The following GON4L variants were observed in gnomAD, a reference collection of about 807,000 sequenced individuals.
GON4L encodes the protein GON-4-like protein.
In GON4L, 87 loss-of-function variants were observed where a neutral mutation model predicts 211.8. The observed-to-expected ratio is 0.41, with a 90% CI of 0.35 to 0.49. The LOEUF (loss-of-function observed/expected upper bound fraction) is 0.49, where lower values mean the gene tolerates loss of function less well. Among genes scored for constraint, GON4L ranks in the 20% least tolerant of loss-of-function variants. The probability of loss-of-function intolerance (pLI) is 0.15; values close to 1 mark genes in which losing one functional copy is unlikely to be tolerated. For synonymous variants in GON4L, 875 were observed against 962.6 expected (o/e 0.91, Z 1.68); for missense variants, 2,155 against 2,659.5 (o/e 0.81, Z 4.17).
chr1:155,807,880 T>C (rs967798488), intron 10 of GON4L, among the ~76,000 whole-genome samples: 11 of 151,962 alleles, frequency 7.2e-5, no homozygotes, highest in Non-Finnish European at 1.0e-4. Flanking sequence ...ATTGAATCTG[T>C]AGATCAATTT....
At chr1:155,841,017 A>G (rs1017373435) in intron 2 of GON4L, among the ~76,000 whole-genome samples, 1 of 152,222 alleles carries the variant, frequency 6.6e-6, no homozygotes, top group African/African-American at 2.4e-5. Context: ...CCTGGGCAAC[A>G]AGAGTGAAAC....
intron 17 of GON4L, chr1:155,773,538 C>T (rs574290880): frequency 1.4e-5 from 4 of 279,072 alleles, no homozygotes; most frequent in African/African-American, 8.8e-5. Context: ...CCTCCTTCCC[C>T]CCTTAAATAC....
In GON4L at chr1:155,757,879, A is replaced by C; in HGVS notation, c.5253+12T>G. ...GAAGACAACAGGAAGAAAGCAGGAC[A>C]GGAAAGAATACCTCGGTGATCTCCT... On this transcript the variant is annotated intron_variant, in intron 25 of 31. Transcript: ENST00000368331. 1 of 284,092 alleles carries C rather than the reference A, an allele frequency of 3.5e-6. No individual in the cohort carries two copies. The highest frequency in any genetic ancestry group is 5.9e-6 in the Non-Finnish European group (1 of 168,168). The allele number at this position is 284,092 out of a possible 1,614,324, so 17.6% of individuals were successfully genotyped here. A position where few individuals can be genotyped will look rare whatever the true frequency, so the allele number is the denominator to read the frequency against.
intron 12 of GON4L, among the ~76,000 whole-genome samples, chr1:155,786,807 T>A (rs1664987974): frequency 6.6e-6 from 1 of 152,182 alleles, no homozygotes; most frequent in Non-Finnish European, 1.5e-5. Context: ...AGCATGTTGC[T>A]ATGTTGCCCA....
At chr1:155,820,231 A>G (rs1668614674) in intron 6 of GON4L, among the ~76,000 whole-genome samples, 1 of 152,192 alleles carries the variant, frequency 6.6e-6, no homozygotes, top group African/African-American at 2.4e-5. Context: ...TGCATTTTTA[A>G]TAAGCATGCC....
At chr1:155,809,993 TA>T (rs1442697922) in intron 10 of GON4L, among the ~76,000 whole-genome samples, 5 of 2,872 alleles carry the variant, frequency 1.7e-3, no homozygotes, top group African/African-American at 2.0e-3. Context: ...TATATATAAT[TA>T]TATATATATA....
chr1:155,815,944 AAATC>A, intron 7 of GON4L, 44 bp from the exon 8 acceptor site: 1 of 1,155,866 alleles, frequency 8.7e-7, no homozygotes, highest in South Asian at 1.2e-5. Context: ...TGGGAAACAC[AAATC>A]ATACGTATTT....
intron 2 of GON4L, among the ~76,000 whole-genome samples, chr1:155,829,590 T>C (rs1222353657): frequency 2.0e-5 from 3 of 152,160 alleles, no homozygotes; most frequent in African/African-American, 7.2e-5. Flanking sequence ...CATTCCAGCC[T>C]GGGCGACAGA....
Position 155,766,310 on chromosome 1 carries a change from C to T in GON4L, c.3163G>A (p.Val1055Ile). 6.2e-7 allele frequency: 1 copy of T among 1,614,118 alleles called. No homozygotes were observed. Among genetic ancestry groups the T allele is most frequent in the Non-Finnish European group, 8.5e-7 (1 of 1,180,014 alleles). ...PATVLQTVPG[V>I]PPLGVSGGES... Reference sequence around the variant, plus strand: ...CCTCCACTGACCCCCAGTGGAGGGACACCTGGAACTGTCTGTAAAACAGTG... The same window carrying T: ...CCTCCACTGACCCCCAGTGGAGGGATACCTGGAACTGTCTGTAAAACAGTG... The change falls in exon 21 of 32, where the codon GTC becomes ATC. Residue 1055 changes from valine to isoleucine, a missense_variant. This residue lies in a region of GON4L where 615 missense variants were observed against 625.7 expected (regional missense o/e 0.98). Coordinates refer to ENST00000368331, the MANE Select transcript of GON4L (RefSeq NM_001282860.2).
chr1:155,804,447 C>A lies in GON4L; in HGVS notation c.1645+502G>T, dbSNP rs573970753. On this transcript the variant is annotated intron_variant, in intron 11 of 31. Transcript: ENST00000368331. ...TTCAAGGGATTCAAATCTTAGCATT[C>A]AACAATCTTAGGATTCAAAAGATTC... Among the ~76,000 whole-genome samples the A allele has an allele frequency of 8.3e-4, 126 of 151,872 alleles. 1 individual carries two copies. The highest frequency in any genetic ancestry group is 2.9e-3 in the African/African-American group (122 of 41,430).
chr1:155,750,136 A>G lies in GON4L; in HGVS notation c.*448T>C. 3.2e-6 allele frequency: 2 copies of G among 633,966 alleles called. No homozygotes were observed. The highest frequency in any genetic ancestry group is 2.0e-5 in the South Asian group (1 of 50,384). The allele number at this position is 633,966 out of a possible 1,614,324, so 39.3% of individuals were successfully genotyped here. A position where few individuals can be genotyped will look rare whatever the true frequency, so the allele number is the denominator to read the frequency against. On this transcript the variant is annotated 3_prime_UTR_variant, in exon 32 of 32. Transcript: ENST00000368331. ...CAGGGTGGTGACAGCCTCGTGGACT[A>G]AAGTTCCCAGTGTGGGAGAAAGGAG...
At chr1:155,833,218 A>G (rs1424497138) in intron 2 of GON4L, among the ~76,000 whole-genome samples, 2 of 152,178 alleles carry the variant, frequency 1.3e-5, no homozygotes, top group Non-Finnish European at 2.9e-5. Flanking sequence ...CTATGAACCC[A>G]TAGTTATTTA....
intron 10 of GON4L, among the ~76,000 whole-genome samples, chr1:155,806,192 A>G (rs1667115833): frequency 7.2e-6 from 1 of 139,198 alleles, no homozygotes; most frequent in Non-Finnish European, 1.6e-5. Flanking sequence ...TTGCTCTGTC[A>G]CCCATTCTGG....
intron 2 of GON4L, among the ~76,000 whole-genome samples, chr1:155,832,382 C>T (rs934995337): frequency 2.6e-5 from 4 of 151,146 alleles, no homozygotes; most frequent in African/African-American, 4.9e-5. Context: ...TGGCTCACAC[C>T]GTAATCCCAG....
At position 155,765,369 on chromosome 1, in the gene GON4L, A is replaced by C; in HGVS notation, c.4104T>G (p.Ala1368=). Residue 1368 remains alanine (A), a synonymous_variant, in exon 21 of 32, where the codon GCT becomes GCG. Coordinates refer to ENST00000368331, the MANE Select transcript of GON4L (RefSeq NM_001282860.2). ...AGACTGTCTGTTTCGTTACTTCTCC[A>C]GCACTGCTCAACTCCTCGCTTGGGG... The part of the protein sequence containing the change: ...TGAPSEELSS[A]GEVTKQTVLQ... 6.2e-7 allele frequency: 1 copy of C among 1,614,142 alleles called. No individual in the cohort carries two copies. The highest frequency in any genetic ancestry group is 8.5e-7 in the Non-Finnish European group (1 of 1,180,004).
At chr1:155,851,376 C>G (rs1018979966) in intron 2 of GON4L, among the ~76,000 whole-genome samples, 2 of 150,256 alleles carry the variant, frequency 1.3e-5, no homozygotes, top group African/African-American at 4.9e-5. Flanking sequence ...TGACTATCAC[C>G]TACCTACAGG....
chr1:155,757,157 T>C (rs1278720984), intron 26 of GON4L, 23 bp downstream of exon 26: 8 of 1,613,920 alleles, frequency 5.0e-6, no homozygotes, highest in South Asian at 1.1e-5. Context: ...TTCATAAGGC[T>C]ACAGCAGCCT....
At chr1:155,759,831 A>G (rs925986402) in intron 24 of GON4L, among the ~76,000 whole-genome samples, 6 of 151,594 alleles carry the variant, frequency 4.0e-5, no homozygotes, top group Non-Finnish European at 5.9e-5. Flanking sequence ...TGGCCTTCCC[A>G]GACCGCTGTG....
intron 16 of GON4L, among the ~76,000 whole-genome samples, chr1:155,776,026 G>A (rs985863824): frequency 1.3e-5 from 2 of 152,044 alleles, no homozygotes; most frequent in African/African-American, 4.8e-5. Flanking sequence ...CATATAATCT[G>A]CCTGCTTTGG....
Sources: gnomAD v4.1 joint callset for allele counts (sites outside exome capture counted in the v4.1 genomes callset) on GRCh38, gnomAD v4.1.1 for gene constraint, gnomAD v4.1.1 regional missense constraint, MANE v1.5 for transcripts, NCBI Gene and HGNC (gene_info 2026-07-23, HGNC 2026-07-21) for gene names.